Variants in TMEM131 observed in about 807,000 individuals in gnomAD.
The protein encoded by TMEM131 is 2610524E03Rik.
TMEM131 carries 66 observed loss-of-function variants against 211.6 expected under a neutral mutation model. The ratio of observed to expected loss-of-function variants is 0.31; its 90% CI spans 0.26 to 0.38. The LOEUF is 0.38. TMEM131 is among the 10% of genes least tolerant of loss of function. The pLI is 1.00. For missense variants in TMEM131, 2,036 were observed against 2,299.3 expected, an observed-to-expected ratio of 0.89 and a Z score of 2.34; for synonymous variants, 844 against 841.3, an observed-to-expected ratio of 1.00 and a Z score of -0.06.
At chr2:97,870,221 C>G (rs1674436625) in intron 4 of TMEM131, among the ~76,000 whole-genome samples, 1 of 152,088 alleles carries the variant, frequency 6.6e-6, no homozygotes, top group South Asian at 2.1e-4. Context: ...TATAGCAACA[C>G]CTAGATTGGT....
chr2:97,917,653 T>C (rs1245510425), intron 2 of TMEM131, among the ~76,000 whole-genome samples: 2 of 152,170 alleles, frequency 1.3e-5, no homozygotes, highest in East Asian at 3.9e-4. Flanking sequence ...CATATTCTTC[T>C]TCACATGGCA....
At chr2:97,809,861 T>A in intron 18 of TMEM131, 87 bp from the exon 19 acceptor site, 1 of 999,326 alleles carries the variant, frequency 1.0e-6, no homozygotes, top group East Asian at 2.6e-5. Flanking sequence ...GGGGTTAACC[T>A]AATTTTGGGA....
chr2:97,773,361 G>A (rs201188837), intron 32 of TMEM131, among the ~76,000 whole-genome samples: 2 of 152,174 alleles, frequency 1.3e-5, no homozygotes, highest in Admixed American at 1.3e-4. Flanking sequence ...AGTCTAGCAG[G>A]AGGGAGACAC....
At position 97,797,394 on chromosome 2, in the gene TMEM131, G is replaced by T; in HGVS notation, c.2841C>A (p.Asn947Lys). Residue 947 changes from asparagine (N) to lysine (K), a missense_variant, in exon 26 of 41, where the codon AAC (asparagine) becomes AAA (lysine). Asn to Lys is a moderately conservative substitution (Grantham distance 94). This residue lies in a region of TMEM131 where 1,623 missense variants were observed against 1,805.9 expected (regional missense o/e 0.90). Coordinates refer to ENST00000186436, the MANE Select transcript of TMEM131 (RefSeq NM_015348.2). Reference protein sequence around the residue: ...SVKVKFTPVHNRTVSSLIIVR... With the variant: ...SVKVKFTPVHKRTVSSLIIVR... ...CTATGATAAGTGAAGAAACAGTTCT[G>T]TTGTGAACTGGAGTAAACTTTACTT... is the stretch of plus-strand genomic sequence containing the variant. The T allele has an allele frequency of 6.2e-7, 1 of 1,611,114 alleles. No homozygotes were observed. The highest frequency in any genetic ancestry group is 8.5e-7 in the Non-Finnish European group (1 of 1,179,232).
rs529769592 is a variant in TMEM131, at chr2:97,864,135, A to C, written c.360-4708T>G. 5.9e-5 allele frequency among the ~76,000 whole-genome samples: 9 copies of C among 152,352 alleles called. No individual in the cohort carries two copies. The East Asian group carries it at 1.7e-3, about 29-fold the overall frequency. On this transcript the variant is annotated intron_variant, in intron 4 of 40. Coordinates refer to ENST00000186436, the MANE Select transcript of TMEM131 (RefSeq NM_015348.2). The stretch of plus-strand genomic sequence containing the variant: ...AAAATAAGCCAGACCCAGAAAGACA[A>C]ACTTTCCATGTTCTCACTATTTGTG...
intron 28 of TMEM131, 26 bp from the exon 29 acceptor site, chr2:97,795,141 C>T: frequency 1.9e-6 from 3 of 1,569,774 alleles, no homozygotes; most frequent in Non-Finnish European, 2.6e-6. Flanking sequence ...GGTAGTAAGG[C>T]TAAGTTTTAA....
Position 97,896,749 on chromosome 2 carries a change from A to C in TMEM131, c.291-8629T>G, listed in dbSNP as rs187538534. Among the ~76,000 whole-genome samples, 249 of 152,126 alleles carry C rather than the reference A, an allele frequency of 1.6e-3. 1 individual carries two copies. Among genetic ancestry groups the C allele is most frequent in the African/African-American group, 4.9e-3 (203 of 41,516 alleles). ...GACACATCTGGACAAGAAGTTTTAA[A>C]CTTGATCTTCAAAACATGTAGTTTA... On this transcript the variant is annotated intron_variant, in intron 3 of 40. Transcript: ENST00000186436.
In TMEM131 at chr2:97,814,307, A is replaced by G. The variant is rs1239931533; in HGVS notation, c.1374T>C (p.Leu458=). ...PADPVERPIY[L]TNTFSFAILI... ...GGATCGCAAAACTGAAAGTGTTAGT[A>G]AGGTAAATTGGCCTTTCCACAGGAT... The change falls in exon 14 of 41, where the codon CTT becomes CTC. Residue 458 remains leucine (L), a synonymous_variant. Transcript: ENST00000186436. 1.9e-6 allele frequency: 3 copies of G among 1,613,930 alleles called. No individual in the cohort carries two copies. The South Asian group carries it at 3.3e-5, about 18-fold the overall frequency.
intron 30 of TMEM131, 90 bp downstream of exon 30, chr2:97,793,305 G>C (rs1221076710): frequency 6.5e-6 from 9 of 1,376,412 alleles, no homozygotes. Context: ...TTTCTCCTGA[G>C]CAAAGATGAA....
chr2:97,942,290 A>T (rs1194258711), intron 1 of TMEM131, among the ~76,000 whole-genome samples: 94 of 122,892 alleles, frequency 7.6e-4, no homozygotes, highest in African/African-American at 1.1e-3. Context: ...ACACTTGGAC[A>T]CAGGGTGGGG....
At chr2:97,892,040 CTAAA>C (rs1336137214) in intron 3 of TMEM131, among the ~76,000 whole-genome samples, 3 of 152,162 alleles carry the variant, frequency 2.0e-5, no homozygotes, top group Non-Finnish European at 2.9e-5. Flanking sequence ...AAAGAGCCAG[CTAAA>C]TAAACAGTGA....
intron 1 of TMEM131, among the ~76,000 whole-genome samples, chr2:97,984,211 A>G (rs1679926677): frequency 6.6e-6 from 1 of 152,218 alleles, no homozygotes; most frequent in Non-Finnish European, 1.5e-5. Flanking sequence ...ATAGTTTAAG[A>G]GCAAGTTTTA....
At chr2:97,765,972 G>A (rs1679143167) in intron 35 of TMEM131, 142 bp downstream of exon 35, 1 of 1,010,504 alleles carries the variant, frequency 9.9e-7, no homozygotes, top group African/African-American at 1.6e-5. Flanking sequence ...CCACTGATTA[G>A]GCTAGTTAAC....
intron 11 of TMEM131, among the ~76,000 whole-genome samples, chr2:97,824,468 A>T (rs1301740118): frequency 3.3e-5 from 5 of 152,166 alleles, no homozygotes; most frequent in Admixed American, 6.5e-5. Flanking sequence ...GTAACCAGGT[A>T]TTTCTCCCAC....
intron 1 of TMEM131, among the ~76,000 whole-genome samples, chr2:97,959,546 T>A (rs557658341): frequency 1.4e-5 from 2 of 146,640 alleles, no homozygotes; most frequent in African/African-American, 5.2e-5. Context: ...GAAAAAAATA[T>A]ATATATGTCT....
rs756936087 is a variant in TMEM131, at chr2:97,792,374, G to A, written c.4144+12C>T. On this transcript the variant is annotated intron_variant, in intron 31 of 40. Coordinates refer to ENST00000186436, the MANE Select transcript of TMEM131 (RefSeq NM_015348.2). ...CACACATCACGGATCTCCGGCAGTGGGAGATGATTACCTTTGCTTTTTGGC... is the reference window on the plus strand; with the variant it reads ...CACACATCACGGATCTCCGGCAGTGAGAGATGATTACCTTTGCTTTTTGGC... 6.5e-7 allele frequency: 1 copy of A among 1,547,922 alleles called. No homozygotes were observed. Among genetic ancestry groups the A allele is most frequent in the Non-Finnish European group, 8.7e-7 (1 of 1,144,234 alleles).
At chr2:97,948,179 A>T (rs1460218642) in intron 1 of TMEM131, among the ~76,000 whole-genome samples, 1 of 152,182 alleles carries the variant, frequency 6.6e-6, no homozygotes, top group Non-Finnish European at 1.5e-5. Context: ...TATAAAAGAA[A>T]AAAAGATGAA....
chr2:97,978,513 T>G (rs963985321), intron 1 of TMEM131, among the ~76,000 whole-genome samples: 4 of 152,108 alleles, frequency 2.6e-5, no homozygotes, highest in African/African-American at 7.2e-5. Flanking sequence ...GCCTCCTGAG[T>G]AGCTGGGACA....
chr2:97,843,577 T>A (rs1683295163), intron 6 of TMEM131, among the ~76,000 whole-genome samples: 1 of 152,194 alleles, frequency 6.6e-6, no homozygotes, highest in Non-Finnish European at 1.5e-5. Context: ...TGGCTTCAAG[T>A]GATCCTCCCA....
Sources: gnomAD v4.1 joint callset for allele counts (sites outside exome capture counted in the v4.1 genomes callset) on GRCh38, gnomAD v4.1.1 for gene constraint, gnomAD v4.1.1 regional missense constraint, MANE v1.5 for transcripts, NCBI Gene and HGNC (gene_info 2026-07-23, HGNC 2026-07-21) for gene names.